The following DLEU7 variants were observed in gnomAD, a reference collection of about 807,000 sequenced individuals.
DLEU7 encodes deleted in lymphocytic leukemia 7.
Under a neutral mutation model 16.0 loss-of-function variants are expected in DLEU7, and 17 were observed. That is an observed-to-expected ratio of 1.06 (90% CI 0.73 to 1.59). The LOEUF (loss-of-function observed/expected upper bound fraction) is 1.59. Ranked by LOEUF, DLEU7 falls within the 40% of genes most tolerant of loss-of-function variation. DLEU7 has a pLI of 0.00. For missense variants in DLEU7, 308 were observed against 314.9 expected (o/e 0.98, Z 0.17); for synonymous variants, 113 against 139.8 (o/e 0.81, Z 1.35).
chr13:50,728,947 G>A (rs2796842), intron 1 of DLEU7, among the ~76,000 whole-genome samples: 54 of 152,124 alleles, frequency 3.5e-4, no homozygotes, highest in African/African-American at 1.2e-3. Flanking sequence ...GAGGTTTGGG[G>A]CAATGACACC....
chr13:50,733,705 A>G (rs959372666), intron 1 of DLEU7, among the ~76,000 whole-genome samples: 1 of 152,164 alleles, frequency 6.6e-6, no homozygotes, highest in African/African-American at 2.4e-5. Flanking sequence ...TTCTCCTTCC[A>G]CAGTTTTTCC....
intron 1 of DLEU7, among the ~76,000 whole-genome samples, chr13:50,762,467 G>A (rs138858368): frequency 1.1e-3 from 168 of 152,196 alleles, no homozygotes; most frequent in African/African-American, 3.9e-3. Context: ...AGCCCAGGTC[G>A]GAACCTATCC....
intron 1 of DLEU7, among the ~76,000 whole-genome samples, chr13:50,720,362 C>T (rs1460310299): frequency 6.6e-6 from 1 of 152,198 alleles, no homozygotes; most frequent in Non-Finnish European, 1.5e-5. Flanking sequence ...AAATGGGGCT[C>T]TTGCAAGCCT....
At chr13:50,766,545 ATC>A (rs1270691298) in intron 1 of DLEU7, among the ~76,000 whole-genome samples, 3 of 150,932 alleles carry the variant, frequency 2.0e-5, no homozygotes, top group Non-Finnish European at 4.4e-5. Flanking sequence ...AACTTCGGGA[ATC>A]TCTCTCTTTC....
chr13:50,822,926 T>C lies in DLEU7; in HGVS notation c.*388A>G. On this transcript the variant is annotated 3_prime_UTR_variant, in exon 2 of 2. Transcript: ENST00000504404. ...AAGGTAATTTTAAGAACCATGGAAC[T>C]TTAATTATATAAATAACCACATTAA... The C allele has an allele frequency of 1.0e-6, 1 of 978,834 alleles. No individual in the cohort carries two copies. Among genetic ancestry groups the C allele is most frequent in the South Asian group, 4.6e-5 (1 of 21,898 alleles). 60.6% of individuals were successfully genotyped at this position (978,834 alleles called of 1,614,324 possible). A position where few individuals can be genotyped will look rare whatever the true frequency, so the allele number is the denominator to read the frequency against.
At chr13:50,794,963 T>G (rs7997452) in intron 1 of DLEU7, among the ~76,000 whole-genome samples, 63,884 of 150,804 alleles carry the variant, frequency 0.42, 13,793 homozygotes, top group African/African-American at 0.52. Flanking sequence ...AATTATATAT[T>G]ATTACAACAA....
intron 1 of DLEU7, among the ~76,000 whole-genome samples, chr13:50,778,978 C>T (rs1218878726): frequency 6.6e-6 from 1 of 152,168 alleles, no homozygotes; most frequent in African/African-American, 2.4e-5. Context: ...TCCCAATAGG[C>T]GATCAAACTA....
chr13:50,755,109 A>C (rs1231303015), intron 1 of DLEU7, among the ~76,000 whole-genome samples: 2 of 152,218 alleles, frequency 1.3e-5, no homozygotes, highest in Non-Finnish European at 2.9e-5. Context: ...CCTTTGTCTC[A>C]TAGCTCTTAA....
chr13:50,716,304 T>A (rs1383056920), intron 1 of DLEU7, among the ~76,000 whole-genome samples: 2 of 152,228 alleles, frequency 1.3e-5, no homozygotes, highest in Non-Finnish European at 2.9e-5. Context: ...CAAGCCCTTG[T>A]TTCATTGAAA....
At chr13:50,829,833 T>C (rs1159919301) in intron 1 of DLEU7, among the ~76,000 whole-genome samples, 1 of 152,176 alleles carries the variant, frequency 6.6e-6, no homozygotes, top group Non-Finnish European at 1.5e-5. Flanking sequence ...CAACTCTGGA[T>C]CCAATAATCA....
intron 1 of DLEU7, among the ~76,000 whole-genome samples, chr13:50,733,872 G>A (rs1236044260): frequency 7.2e-5 from 11 of 152,286 alleles, no homozygotes; most frequent in African/African-American, 1.9e-4. Context: ...ACTAAAGGCC[G>A]TAGAGAAAAT....
chr13:50,802,136 A>T (rs1876268584), intron 1 of DLEU7, among the ~76,000 whole-genome samples: 1 of 151,032 alleles, frequency 6.6e-6, no homozygotes, highest in East Asian at 1.9e-4. Flanking sequence ...AAAAAAAAAA[A>T]AAAAAAAAAA....
At chr13:50,735,589 A>G (rs554813001) in intron 1 of DLEU7, among the ~76,000 whole-genome samples, 2 of 152,196 alleles carry the variant, frequency 1.3e-5, no homozygotes, top group African/African-American at 4.8e-5. Context: ...ATATGAAAAA[A>G]TGAAAATATT....
intron 1 of DLEU7, among the ~76,000 whole-genome samples, chr13:50,735,440 A>G (rs989424518): frequency 3.3e-5 from 5 of 152,136 alleles, no homozygotes; most frequent in East Asian, 1.9e-4. Flanking sequence ...AATTGTACCA[A>G]ATTCACTCTT....
At chr13:50,837,994 G>A (rs887103742) in intron 1 of DLEU7, among the ~76,000 whole-genome samples, 2 of 152,154 alleles carry the variant, frequency 1.3e-5, no homozygotes, top group Non-Finnish European at 2.9e-5. Context: ...CGGAAAGGGG[G>A]CAGTAGAAAA....
At chr13:50,755,745 T>A (rs963820289) in intron 1 of DLEU7, among the ~76,000 whole-genome samples, 6 of 119,810 alleles carry the variant, frequency 5.0e-5, no homozygotes, top group Non-Finnish European at 1.1e-4. Context: ...CTAATGTGAT[T>A]TTTTTTTGAG....
chr13:50,744,518 G>T (rs1025859523), intron 1 of DLEU7, among the ~76,000 whole-genome samples: 13 of 152,142 alleles, frequency 8.5e-5, no homozygotes, highest in African/African-American at 3.1e-4. Flanking sequence ...CAAGGAATAG[G>T]CTCAGTAAGC....
intron 1 of DLEU7, chr13:50,840,116 A>T (rs1243572841): frequency 6.6e-6 from 1 of 152,172 alleles, no homozygotes; most frequent in Non-Finnish European, 1.5e-5. Flanking sequence ...CACCAAAGAG[A>T]TCTGATGTTG....
At chr13:50,762,189 C>CAAAAAAAA (rs71085045) in intron 1 of DLEU7, among the ~76,000 whole-genome samples, 43 of 84,272 alleles carry the variant, frequency 5.1e-4, no homozygotes, top group African/African-American at 1.8e-3. Flanking sequence ...AGACTCGTCT[C>CAAAAAAAA]AAAAAAAAAA....
Sources: gnomAD v4.1 joint callset for allele counts (sites outside exome capture counted in the v4.1 genomes callset) on GRCh38, gnomAD v4.1.1 for gene constraint, MANE v1.5 for transcripts, NCBI Gene and HGNC (gene_info 2026-07-23, HGNC 2026-07-21) for gene names.